HPSE2: variants seen among roughly 807,000 people sequenced by gnomAD.
HPSE2 encodes heparanase 2 (inactive), also known as inactive heparanase-2.
In HPSE2, 38 loss-of-function variants were observed where a neutral mutation model predicts 60.5. The ratio of observed to expected loss-of-function variants is 0.63; its 90% CI spans 0.48 to 0.82. HPSE2 has a LOEUF of 0.82. Ranked by LOEUF, HPSE2 falls within the 40% of genes least tolerant of loss-of-function variation. HPSE2 has a pLI of 0.00. For missense variants in HPSE2, 713 were observed against 740.4 expected, an observed-to-expected ratio of 0.96 and a Z score of 0.43; for synonymous variants, 295 against 293.2, an observed-to-expected ratio of 1.01 and a Z score of -0.06.
At chr10:98,553,621 C>G (rs72827415) in intron 9 of HPSE2, among the ~76,000 whole-genome samples, 1 of 152,300 alleles carries the variant, frequency 6.6e-6, no homozygotes, top group Non-Finnish European at 1.5e-5. Flanking sequence ...TTCTCTCCAC[C>G]ATTTCTGACT....
At chr10:99,212,954 T>C (rs1334717862) in intron 2 of HPSE2, among the ~76,000 whole-genome samples, 3 of 152,154 alleles carry the variant, frequency 2.0e-5, no homozygotes, top group African/African-American at 2.4e-5. Context: ...TCAAGAAATG[T>C]TTATTCCCTT....
chr10:98,635,028 T>C (rs1488153264), intron 7 of HPSE2, among the ~76,000 whole-genome samples: 6 of 152,216 alleles, frequency 3.9e-5, no homozygotes, highest in Non-Finnish European at 7.3e-5. Flanking sequence ...TAACATCTTA[T>C]TACTGTTGCT....
intron 2 of HPSE2, among the ~76,000 whole-genome samples, chr10:99,147,329 CTGTT>C (rs1490710268): frequency 6.6e-6 from 1 of 152,198 alleles, no homozygotes; most frequent in African/African-American, 2.4e-5. Flanking sequence ...ATTCCATAGA[CTGTT>C]CGTGTGGAAA....
chr10:99,068,832 T>C (rs1163751343), intron 3 of HPSE2, among the ~76,000 whole-genome samples: 1 of 152,124 alleles, frequency 6.6e-6, no homozygotes, highest in East Asian at 1.9e-4. Flanking sequence ...TAAATGAGTA[T>C]TATGAACAAA....
intron 6 of HPSE2, among the ~76,000 whole-genome samples, chr10:98,691,378 A>G (rs1025056435): frequency 3.9e-5 from 6 of 152,214 alleles, no homozygotes; most frequent in African/African-American, 1.2e-4. Flanking sequence ...TAAGTAGTCA[A>G]TAAACAAAAT....
chr10:99,249,898 T>C, the HPSE2 span, among the ~76,000 whole-genome samples: 1 of 151,988 alleles, frequency 6.6e-6, no homozygotes, highest in Non-Finnish European at 1.5e-5. Context: ...AATCCTAGCA[T>C]TTTGGGAAGC....
chr10:98,948,617 T>C lies in HPSE2; in HGVS notation c.610+195621A>G, dbSNP rs559964358. The stretch of plus-strand genomic sequence containing the variant: ...GATTGGTACTGTATAAAAACATTTT[T>C]AGAGTAAAGAAAAAGCAGAAAAGTC... On this transcript the variant is annotated intron_variant, in intron 3 of 11. Coordinates refer to ENST00000370552, the MANE Select transcript of HPSE2 (RefSeq NM_021828.5). 4.6e-5 allele frequency among the ~76,000 whole-genome samples: 7 copies of C among 152,274 alleles called. No individual in the cohort carries two copies. The South Asian group carries it at 1.5e-3, about 32-fold the overall frequency.
chr10:99,295,184 C>T, the HPSE2 span, among the ~76,000 whole-genome samples: 4 of 151,888 alleles, frequency 2.6e-5, no homozygotes, highest in Non-Finnish European at 5.9e-5. Flanking sequence ...CATGTGTTGA[C>T]TCATTTAATC....
At chr10:99,046,964 A>G (rs918522904) in intron 3 of HPSE2, among the ~76,000 whole-genome samples, 1 of 152,218 alleles carries the variant, frequency 6.6e-6, no homozygotes, top group African/African-American at 2.4e-5. Flanking sequence ...AGAAAAAGAT[A>G]TTCTAAAATT....
intron 3 of HPSE2, among the ~76,000 whole-genome samples, chr10:99,003,323 A>T (rs1176554842): frequency 6.6e-6 from 1 of 152,122 alleles, no homozygotes; most frequent in Non-Finnish European, 1.5e-5. Context: ...TTCAGTGCAG[A>T]TATGTCTTCA....
At chr10:99,255,638 T>A in the HPSE2 span, among the ~76,000 whole-genome samples, 249 of 151,466 alleles carry the variant, frequency 1.6e-3, 2 homozygotes, top group African/African-American at 5.7e-3. Context: ...AAATCCAAAA[T>A]CCATTCCTCA....
In HPSE2 at chr10:99,081,045, C is replaced by T. The variant is rs527435132; in HGVS notation, c.610+63193G>A. On this transcript the variant is annotated intron_variant, in intron 3 of 11. Transcript: ENST00000370552. ...TCCTGACCTCGTGATCCACCCACCT[C>T]GGCCTCCCAAAGTGCTGGGATTACA... Among the ~76,000 whole-genome samples, 8 of 152,344 alleles carry T rather than the reference C, an allele frequency of 5.3e-5. No individual in the cohort carries two copies. The East Asian group carries it at 1.5e-3, about 29-fold the overall frequency.
rs546796138 is a variant in HPSE2, at chr10:98,756,511, A to G, written c.611-12455T>C. 3.9e-5 allele frequency among the ~76,000 whole-genome samples: 6 copies of G among 152,232 alleles called. No individual in the cohort carries two copies. In the South Asian group the frequency reaches 1.0e-3, roughly 26 times the overall value. Reference sequence around the variant, plus strand: ...CATTACCACTGAACCTACAGAAATAATAATTAAAAAAACCCTCAGAGACTG... The same window carrying G: ...CATTACCACTGAACCTACAGAAATAGTAATTAAAAAAACCCTCAGAGACTG... On this transcript the variant is annotated intron_variant, in intron 3 of 11. Transcript: ENST00000370552.
intron 9 of HPSE2, among the ~76,000 whole-genome samples, chr10:98,538,219 C>T (rs748450430): frequency 2.0e-5 from 3 of 152,160 alleles, no homozygotes; most frequent in Non-Finnish European, 4.4e-5. Context: ...TTCTCTTTAT[C>T]TCTTTGTCTT....
upstream of HPSE2, among the ~76,000 whole-genome samples, chr10:99,238,517 C>T (rs1589857678): frequency 5.3e-5 from 8 of 152,216 alleles, 2 homozygotes; most frequent in Admixed American, 5.2e-4. Context: ...TCTAGTCTAG[C>T]CATTGAAATT....
At chr10:98,770,425 G>C (rs1393553285) in intron 3 of HPSE2, among the ~76,000 whole-genome samples, 1 of 152,134 alleles carries the variant, frequency 6.6e-6, no homozygotes, top group Non-Finnish European at 1.5e-5. Context: ...AATGGTTCTA[G>C]CTACTCCTCT....
At chr10:98,636,640 T>C (rs546026419) in intron 7 of HPSE2, among the ~76,000 whole-genome samples, 5 of 152,288 alleles carry the variant, frequency 3.3e-5, no homozygotes, top group African/African-American at 1.2e-4. Flanking sequence ...TTAAAAATAA[T>C]TTTAGGAAAA....
At chr10:98,848,589 G>A (rs1952089176) in intron 3 of HPSE2, among the ~76,000 whole-genome samples, 1 of 152,102 alleles carries the variant, frequency 6.6e-6, no homozygotes, top group Non-Finnish European at 1.5e-5. Context: ...ATGAGTCAGA[G>A]TTAGTCTTGT....
intron 2 of HPSE2, among the ~76,000 whole-genome samples, chr10:99,230,638 C>G (rs1480977393): frequency 6.6e-6 from 1 of 151,978 alleles, no homozygotes; most frequent in African/African-American, 2.4e-5. Context: ...CAAATTGTAG[C>G]CTTCATTTTA....
Sources: allele counts gnomAD v4.1 joint callset (sites outside exome capture counted in the v4.1 genomes callset), GRCh38; gene constraint gnomAD v4.1.1; transcripts MANE v1.5; gene names NCBI Gene and HGNC (gene_info 2026-07-23, HGNC 2026-07-21).